The following TENM3 variants were observed in gnomAD, a reference collection of about 807,000 sequenced individuals.
TENM3 encodes the protein teneurin-3.
In TENM3, 63 loss-of-function variants were observed where a neutral mutation model predicts 255.1. The observed-to-expected ratio is 0.25, with a 90% CI of 0.20 to 0.30. The LOEUF is 0.30. Ranked by LOEUF, TENM3 falls within the 10% of genes least tolerant of loss-of-function variation. The pLI is 1.00. For missense variants in TENM3, 2,929 were observed against 3,461.1 expected (o/e 0.85, Z 3.86); for synonymous variants, 1,306 against 1,322.3 (o/e 0.99, Z 0.27).
chr4:182,121,964 C>T, the TENM3 span, among the ~76,000 whole-genome samples: 1 of 152,210 alleles, frequency 6.6e-6, no homozygotes, highest in Non-Finnish European at 1.5e-5. Context: ...GCTTTATCAA[C>T]TAAGTGTATG....
At chr4:182,561,525 G>T (rs1441000856) in intron 3 of TENM3, among the ~76,000 whole-genome samples, 1 of 151,528 alleles carries the variant, frequency 6.6e-6, no homozygotes, top group Non-Finnish European at 1.5e-5. Flanking sequence ...TCTTTTCCCA[G>T]TGTTTTTTAG....
At chr4:182,463,995 G>A (rs980753833) in intron 3 of TENM3, among the ~76,000 whole-genome samples, 13 of 151,880 alleles carry the variant, frequency 8.6e-5, no homozygotes, top group Non-Finnish European at 1.9e-4. Context: ...ATGTAACAGA[G>A]GCTCTTATTA....
At chr4:181,591,216 C>T in the TENM3 span, among the ~76,000 whole-genome samples, 2 of 152,210 alleles carry the variant, frequency 1.3e-5, no homozygotes, top group Admixed American at 6.5e-5. Flanking sequence ...TTTAAAGACT[C>T]ACCATACCAA....
chr4:181,965,018 C>T, the TENM3 span, among the ~76,000 whole-genome samples: 7 of 152,094 alleles, frequency 4.6e-5, no homozygotes, highest in East Asian at 1.4e-3. Context: ...GCGACAGAAC[C>T]TAAAACTTGA....
chr4:181,636,797 C>T, the TENM3 span, among the ~76,000 whole-genome samples: 14 of 152,302 alleles, frequency 9.2e-5, no homozygotes, highest in Non-Finnish European at 1.5e-4. Flanking sequence ...GTTAGCTAAA[C>T]GGATCATGTC....
At chr4:181,689,282 T>A in the TENM3 span, among the ~76,000 whole-genome samples, 1 of 152,228 alleles carries the variant, frequency 6.6e-6, no homozygotes, top group Non-Finnish European at 1.5e-5. Flanking sequence ...GCACAGCTAT[T>A]TTTTAAAATC....
At chr4:182,698,921 A>G (rs1034778096) in intron 12 of TENM3, among the ~76,000 whole-genome samples, 4 of 152,216 alleles carry the variant, frequency 2.6e-5, no homozygotes, top group Admixed American at 2.6e-4. Flanking sequence ...TCTGAGACTC[A>G]ATTCTGAGTG....
At chr4:182,172,959 T>G (rs1044877140) in intron 1 of TENM3, among the ~76,000 whole-genome samples, 2 of 152,170 alleles carry the variant, frequency 1.3e-5, no homozygotes, top group African/African-American at 4.8e-5. Context: ...TGAATAAACA[T>G]GAGCAGTTGA....
intron 4 of TENM3, among the ~76,000 whole-genome samples, chr4:182,627,650 T>A (rs1476160898): frequency 1.3e-5 from 2 of 152,152 alleles, no homozygotes; most frequent in African/African-American, 4.8e-5. Context: ...TACTGTATAT[T>A]CAGTGGATAC....
At chr4:182,311,680 T>C (rs755457107) in intron 1 of TENM3, among the ~76,000 whole-genome samples, 1 of 152,228 alleles carries the variant, frequency 6.6e-6, no homozygotes, top group Non-Finnish European at 1.5e-5. Flanking sequence ...GTAAAGCACC[T>C]GGCATATTTT....
intron 13 of TENM3, among the ~76,000 whole-genome samples, chr4:182,720,813 G>A (rs1759663293): frequency 1.4e-5 from 2 of 144,284 alleles, no homozygotes; most frequent in South Asian, 4.5e-4. Flanking sequence ...TGTTGCCCAG[G>A]CTGGAGTGCA....
the TENM3 span, among the ~76,000 whole-genome samples, chr4:181,466,112 T>TTTTTTTC: frequency 1.7e-4 from 4 of 22,956 alleles, 1 homozygote; most frequent in Non-Finnish European, 3.2e-4. Context: ...CTCCAGGAAT[T>TTTTTTTC]TTTTTTTTTG....
chr4:182,159,763 A>T (rs1750983629), intron 1 of TENM3, among the ~76,000 whole-genome samples: 1 of 152,118 alleles, frequency 6.6e-6, no homozygotes, highest in Non-Finnish European at 1.5e-5. Context: ...GTGATGTCTT[A>T]TCCGGGAGCA....
At chr4:181,512,388 C>A in the TENM3 span, among the ~76,000 whole-genome samples, 3 of 152,224 alleles carry the variant, frequency 2.0e-5, no homozygotes, top group South Asian at 2.1e-4. Flanking sequence ...GAAACAGAGC[C>A]CCCTCTTTTT....
chr4:182,727,435 G>A (rs1477697381), intron 13 of TENM3, among the ~76,000 whole-genome samples: 3 of 109,598 alleles, frequency 2.7e-5, no homozygotes, highest in Non-Finnish European at 5.1e-5. Flanking sequence ...CAACCTGGGT[G>A]ACAGAGGAAG....
At chr4:181,996,451 C>A in the TENM3 span, among the ~76,000 whole-genome samples, 1 of 152,018 alleles carries the variant, frequency 6.6e-6, no homozygotes, top group Non-Finnish European at 1.5e-5. Context: ...GCCCAGGGAG[C>A]CTAGCAGTTT....
the TENM3 span, among the ~76,000 whole-genome samples, chr4:181,586,447 G>T: frequency 1.3e-5 from 2 of 152,220 alleles, no homozygotes; most frequent in Non-Finnish European, 2.9e-5. Context: ...AAGCAGAGGA[G>T]CTATGGGAAG....
the TENM3 span, among the ~76,000 whole-genome samples, chr4:181,642,088 A>G: frequency 6.7e-6 from 1 of 148,710 alleles, no homozygotes; most frequent in Non-Finnish European, 1.5e-5. Flanking sequence ...ACTCCCACCA[A>G]CAGTGTAAAA....
the TENM3 span, among the ~76,000 whole-genome samples, chr4:181,954,706 C>T: frequency 6.6e-5 from 10 of 152,020 alleles, no homozygotes; most frequent in African/African-American, 1.7e-4. Context: ...TTAATTCTAA[C>T]GAATGTCAAT....
Sources: gnomAD v4.1 joint callset for allele counts (sites outside exome capture counted in the v4.1 genomes callset) on GRCh38, gnomAD v4.1.1 for gene constraint, MANE v1.5 for transcripts, NCBI Gene and HGNC (gene_info 2026-07-23, HGNC 2026-07-21) for gene names.